The following ERP44 variants were observed in gnomAD, a reference collection of about 807,000 sequenced individuals.
ERP44 encodes the protein endoplasmic reticulum resident protein 44.
Under a neutral mutation model 53.4 loss-of-function variants are expected in ERP44, and 25 were observed. The ratio of observed to expected loss-of-function variants is 0.47; its 90% confidence interval spans 0.34 to 0.65. The LOEUF is 0.65. Ranked by LOEUF, ERP44 falls within the 30% of genes least tolerant of loss-of-function variation. The pLI, the probability that ERP44 is intolerant of heterozygous loss-of-function variation, is 0.01. For missense variants in ERP44, 338 were observed against 493.2 expected (o/e 0.69, Z 2.98); for synonymous variants, 145 against 161.2 (o/e 0.90, Z 0.76).
chr9:100,046,739 C>T (rs774219556), intron 4 of ERP44, among the ~76,000 whole-genome samples: 46 of 152,056 alleles, frequency 3.0e-4, no homozygotes, highest in Non-Finnish European at 4.0e-4. Flanking sequence ...AAATCCCAGT[C>T]GCCTTTTATG....
intron 8 of ERP44, among the ~76,000 whole-genome samples, chr9:100,008,373 A>G (rs904812262): frequency 6.6e-6 from 1 of 152,206 alleles, no homozygotes; most frequent in Non-Finnish European, 1.5e-5. Flanking sequence ...TGCTATTAAA[A>G]TTTTTATTGT....
chr9:100,089,982 G>A (rs1334584016), intron 1 of ERP44, among the ~76,000 whole-genome samples: 3 of 152,066 alleles, frequency 2.0e-5, no homozygotes, highest in African/African-American at 7.2e-5. Context: ...TCATTCAAAG[G>A]TTAAACTAAC....
In ERP44 at chr9:100,098,824, A is replaced by G; in HGVS notation, c.17T>C (p.Phe6Ser). Residue 6 changes from phenylalanine to serine, a missense_variant, in exon 1 of 12, where the codon TTC (phenylalanine) becomes TCC (serine). Physicochemically the swap from Phe to Ser is radical, Grantham distance 155 (BLOSUM62 -2). Coordinates refer to ENST00000262455, the MANE Select transcript of ERP44 (RefSeq NM_015051.3). Reference sequence around the variant, plus strand: ...GCATCTGAGGTCGGGTAAGGATAGGAAGACGGCAGGATGCATGGTAACGCT... The same window carrying G: ...GCATCTGAGGTCGGGTAAGGATAGGGAGACGGCAGGATGCATGGTAACGCT... MHPAV[F>S]LSLPDLRCSL... 6.2e-7 allele frequency: 1 copy of G among 1,613,662 alleles called. No homozygotes were observed. Among genetic ancestry groups the G allele is most frequent in the Non-Finnish European group, 8.5e-7 (1 of 1,179,772 alleles).
At chr9:100,068,727 C>T (rs1301460691) in intron 1 of ERP44, among the ~76,000 whole-genome samples, 3 of 150,028 alleles carry the variant, frequency 2.0e-5, no homozygotes, top group East Asian at 2.0e-4. Flanking sequence ...CGCCTCTGCC[C>T]GGCCGCCCCT....
chr9:100,034,031 G>A (rs1372925958), intron 4 of ERP44, among the ~76,000 whole-genome samples: 1 of 152,096 alleles, frequency 6.6e-6, no homozygotes, highest in Non-Finnish European at 1.5e-5. Context: ...TCTGTCAGAG[G>A]CGTTCAAACC....
At chr9:100,086,511 TAAC>T (rs1306227381) in intron 1 of ERP44, among the ~76,000 whole-genome samples, 3 of 152,232 alleles carry the variant, frequency 2.0e-5, no homozygotes. Flanking sequence ...TCCATTCACT[TAAC>T]AACATTTCCT....
At chr9:100,025,006 T>C (rs1167034294) in intron 4 of ERP44, among the ~76,000 whole-genome samples, 1 of 152,242 alleles carries the variant, frequency 6.6e-6, no homozygotes, top group South Asian at 2.1e-4. Context: ...CACATGCCCA[T>C]AGCCCCGGCT....
At chr9:100,070,051 C>G (rs1022579998) in intron 1 of ERP44, among the ~76,000 whole-genome samples, 1 of 152,180 alleles carries the variant, frequency 6.6e-6, no homozygotes, top group Non-Finnish European at 1.5e-5. Flanking sequence ...CTCTTAAAAT[C>G]ACCACATTTT....
intron 8 of ERP44, among the ~76,000 whole-genome samples, chr9:100,013,385 T>C (rs1415247877): frequency 7.2e-6 from 1 of 139,026 alleles, no homozygotes; most frequent in African/African-American, 2.6e-5. Context: ...GTAATAATAA[T>C]AATAATAATA....
At chr9:100,048,870 G>A (rs1026306098) in intron 4 of ERP44, among the ~76,000 whole-genome samples, 2 of 152,168 alleles carry the variant, frequency 1.3e-5, no homozygotes, top group Admixed American at 1.3e-4. Context: ...GGGGAGAATG[G>A]GCAATGGGAA....
intron 1 of ERP44, among the ~76,000 whole-genome samples, chr9:100,092,643 C>T (rs533758894): frequency 1.2e-4 from 18 of 152,280 alleles, no homozygotes; most frequent in African/African-American, 3.9e-4. Context: ...TGAGTACATT[C>T]ATTCTGAATT....
intron 1 of ERP44, among the ~76,000 whole-genome samples, chr9:100,092,718 T>C (rs1433899012): frequency 1.3e-5 from 2 of 152,172 alleles, no homozygotes; most frequent in African/African-American, 2.4e-5. Context: ...AATACAAACA[T>C]GCACACAAGA....
intron 4 of ERP44, among the ~76,000 whole-genome samples, chr9:100,039,012 C>T (rs1265920772): frequency 1.3e-5 from 2 of 152,128 alleles, no homozygotes; most frequent in African/African-American, 2.4e-5. Context: ...AATATATACG[C>T]ACCCAACACT....
chr9:100,074,632 T>C (rs1236693857), intron 1 of ERP44, among the ~76,000 whole-genome samples: 1 of 152,118 alleles, frequency 6.6e-6, no homozygotes. Context: ...ACCAACAATT[T>C]ATGCAGTGAA....
At chr9:99,993,373 C>G (rs1830276204) in intron 10 of ERP44, among the ~76,000 whole-genome samples, 1 of 152,194 alleles carries the variant, frequency 6.6e-6, no homozygotes, top group African/African-American at 2.4e-5. Flanking sequence ...CTACAACCAT[C>G]TGATCTTTGA....
intron 1 of ERP44, among the ~76,000 whole-genome samples, chr9:100,086,599 C>A (rs1412330128): frequency 3.9e-5 from 6 of 152,192 alleles, no homozygotes; most frequent in African/African-American, 1.4e-4. Context: ...TACATTATAT[C>A]TCAATCTCAC....
chr9:100,035,233 TTAAAC>T (rs1825838614), intron 4 of ERP44, among the ~76,000 whole-genome samples: 2 of 152,034 alleles, frequency 1.3e-5, no homozygotes, highest in South Asian at 4.1e-4. Context: ...TGGGACCTAA[TTAAAC>T]TAAAGAGCCT....
chr9:100,098,850 G>A lies in ERP44; in HGVS notation c.-10C>T, dbSNP rs750007298. ...AGACGGCAGGATGCATGGTAACGCT[G>A]GGGTCCGTGACAGGGACAGGCGCTG... On this transcript the variant is annotated 5_prime_UTR_variant, in exon 1 of 12. Coordinates refer to ENST00000262455, the MANE Select transcript of ERP44 (RefSeq NM_015051.3). 1.2e-6 allele frequency: 2 copies of A among 1,612,728 alleles called. No homozygotes were observed. The highest frequency in any genetic ancestry group is 1.7e-6 in the Non-Finnish European group (2 of 1,179,140).
At chr9:100,049,632 G>A (rs1826015361) in intron 4 of ERP44, among the ~76,000 whole-genome samples, 1 of 152,082 alleles carries the variant, frequency 6.6e-6, no homozygotes, top group South Asian at 2.1e-4. Context: ...ACAAGAATAT[G>A]GAACAACTGG....
Sources: gnomAD v4.1 joint callset for allele counts (sites outside exome capture counted in the v4.1 genomes callset) on GRCh38, gnomAD v4.1.1 for gene constraint, MANE v1.5 for transcripts, NCBI Gene and HGNC (gene_info 2026-07-23, HGNC 2026-07-21) for gene names.